Variants in DENND1A observed in about 807,000 individuals in gnomAD.
The protein encoded by DENND1A is DENN domain containing 1A.
Under a neutral mutation model 113.7 loss-of-function variants are expected in DENND1A, and 51 were observed. That is an observed-to-expected ratio of 0.45 (90% confidence interval 0.36 to 0.57). The LOEUF (loss-of-function observed/expected upper bound fraction) is 0.57, where lower values mean the gene tolerates loss of function less well. Ranked by LOEUF, DENND1A falls within the 20% of genes least tolerant of loss-of-function variation. The pLI is 0.00. For missense variants in DENND1A, 1,258 were observed against 1,395.9 expected, an observed-to-expected ratio of 0.90 and a Z score of 1.57; for synonymous variants, 565 against 570.8, an observed-to-expected ratio of 0.99 and a Z score of 0.14.
chr9:123,673,001 C>T (rs2063839555), intron 6 of DENND1A, among the ~76,000 whole-genome samples: 2 of 152,206 alleles, frequency 1.3e-5, no homozygotes, highest in Admixed American at 1.3e-4. Flanking sequence ...TAACCCTCTA[C>T]TCATCCTCAG....
chr9:123,800,653 G>A (rs1834491184), intron 2 of DENND1A, among the ~76,000 whole-genome samples: 1 of 152,114 alleles, frequency 6.6e-6, no homozygotes. Context: ...CATGAAACAG[G>A]CCTTAGCGGA....
intron 20 of DENND1A, among the ~76,000 whole-genome samples, chr9:123,411,029 C>A (rs2044268417): frequency 6.6e-6 from 1 of 152,128 alleles, no homozygotes; most frequent in South Asian, 2.1e-4. Context: ...CGCCCTCCCA[C>A]CCCATTCCCA....
chr9:123,629,667 T>C (rs1410189081), intron 10 of DENND1A, among the ~76,000 whole-genome samples: 2 of 152,248 alleles, frequency 1.3e-5, no homozygotes, highest in African/African-American at 2.4e-5. Flanking sequence ...CTTTGTTTCT[T>C]CCTTCTACTA....
At chr9:123,427,658 T>A (rs550770595) in intron 19 of DENND1A, among the ~76,000 whole-genome samples, 1 of 152,324 alleles carries the variant, frequency 6.6e-6, no homozygotes, top group East Asian at 1.9e-4. Flanking sequence ...TGAGACAGTG[T>A]CTCCTGTTTG....
intron 8 of DENND1A, among the ~76,000 whole-genome samples, chr9:123,658,459 A>C (rs768214176): frequency 3.9e-5 from 6 of 152,208 alleles, no homozygotes; most frequent in Non-Finnish European, 7.3e-5. Context: ...TACATGTGTT[A>C]TCTTGATAGA....
chr9:123,677,765 C>T (rs1039651398), intron 5 of DENND1A, among the ~76,000 whole-genome samples: 3 of 152,204 alleles, frequency 2.0e-5, no homozygotes, highest in Admixed American at 6.5e-5. Flanking sequence ...ATGCAAATCT[C>T]CATCGCACAT....
At chr9:123,413,756 A>G in intron 19 of DENND1A, 1 of 985,488 alleles carries the variant, frequency 1.0e-6, no homozygotes, top group Non-Finnish European at 1.2e-6. Flanking sequence ...GGTGCTGCCT[A>G]GGGATGGGCA....
chr9:123,731,001 A>C (rs1412597190), intron 5 of DENND1A, among the ~76,000 whole-genome samples: 2 of 152,198 alleles, frequency 1.3e-5, no homozygotes, highest in South Asian at 4.2e-4. Flanking sequence ...GCAAACTAAC[A>C]CACAAACAGA....
chr9:123,614,467 G>A lies in DENND1A; in HGVS notation c.720-4986C>T, dbSNP rs569809249. Among the ~76,000 whole-genome samples, 7 of 152,200 alleles carry A rather than the reference G, an allele frequency of 4.6e-5. No homozygotes were observed. In the South Asian group the frequency reaches 1.5e-3, roughly 32 times the overall value. On this transcript the variant is annotated intron_variant, in intron 10 of 23. Transcript: ENST00000394215. ...CCTGTAGTCCTTGTTCATTATTACC[G>A]CACTTTCACAATTTGTTTAATTCCT... is the stretch of plus-strand genomic sequence containing the variant.
chr9:123,473,986 CTTTTTTTTTTTTTTTT>C (rs5900577), intron 13 of DENND1A, among the ~76,000 whole-genome samples: 4 of 70,710 alleles, frequency 5.7e-5, no homozygotes, highest in Non-Finnish European at 1.1e-4. Flanking sequence ...TACTTTCTTT[CTTTTTTTTTTTTTTTT>C]TTTTTTTTTT....
intron 13 of DENND1A, among the ~76,000 whole-genome samples, chr9:123,545,473 CTTT>C (rs113208699): frequency 6.8e-6 from 1 of 146,904 alleles, no homozygotes; most frequent in Non-Finnish European, 1.5e-5. Flanking sequence ...GTCTCCTGTT[CTTT>C]TTTTTTTTGA....
chr9:123,825,882 A>G (rs1312445190), intron 2 of DENND1A, among the ~76,000 whole-genome samples: 2 of 152,196 alleles, frequency 1.3e-5, no homozygotes, highest in Admixed American at 1.3e-4. Context: ...TGTGAATGCA[A>G]GTGGCCTGTG....
chr9:123,824,007 T>G (rs776630984), intron 2 of DENND1A, among the ~76,000 whole-genome samples: 10 of 152,178 alleles, frequency 6.6e-5, no homozygotes, highest in Non-Finnish European at 1.5e-4. Flanking sequence ...GCACACCTAA[T>G]AAACATCAGA....
intron 13 of DENND1A, among the ~76,000 whole-genome samples, chr9:123,490,972 C>A (rs1346568963): frequency 5.3e-5 from 8 of 152,178 alleles, no homozygotes; most frequent in Non-Finnish European, 1.0e-4. Context: ...AGAACCACAT[C>A]CAGAATATCT....
intron 5 of DENND1A, among the ~76,000 whole-genome samples, chr9:123,743,535 C>G (rs2069200110): frequency 6.6e-6 from 1 of 151,774 alleles, no homozygotes; most frequent in African/African-American, 2.4e-5. Flanking sequence ...GGTTTGAGAC[C>G]AGCCTGACCA....
At chr9:123,834,243 A>T (rs550386119) in intron 2 of DENND1A, among the ~76,000 whole-genome samples, 9 of 152,234 alleles carry the variant, frequency 5.9e-5, no homozygotes, top group Non-Finnish European at 1.3e-4. Flanking sequence ...TAATTTATTC[A>T]ACACATAAGG....
rs1006046904 is a variant in DENND1A at position 123,891,327 on chromosome 9, C to A, written c.18-12306G>T. Among the ~76,000 whole-genome samples, 3 of 152,210 alleles carry A rather than the reference C, an allele frequency of 2.0e-5. No homozygotes were observed. In the East Asian group the frequency reaches 5.8e-4, roughly 29 times the overall value. On this transcript the variant is annotated intron_variant, in intron 1 of 23. Coordinates refer to ENST00000394215, the MANE Select transcript of DENND1A (RefSeq NM_001352964.2). Reference sequence around the variant, plus strand: ...GATCACAGTCACCATGGAACTCGTGCTCTTAACAACGTAACGTACACTATA... The same window carrying A: ...GATCACAGTCACCATGGAACTCGTGATCTTAACAACGTAACGTACACTATA...
chr9:123,707,275 T>A (rs2066281638), intron 5 of DENND1A, among the ~76,000 whole-genome samples: 1 of 151,814 alleles, frequency 6.6e-6, no homozygotes, highest in Non-Finnish European at 1.5e-5. Context: ...ATGCCTGTAA[T>A]CCCAGCTACT....
At chr9:123,860,627 G>C (rs1432616878) in intron 2 of DENND1A, among the ~76,000 whole-genome samples, 1 of 152,142 alleles carries the variant, frequency 6.6e-6, no homozygotes, top group Non-Finnish European at 1.5e-5. Context: ...AACAGACAAG[G>C]CAGTCCCTCA....
Sources: gnomAD v4.1 joint callset for allele counts (sites outside exome capture counted in the v4.1 genomes callset) on GRCh38, gnomAD v4.1.1 for gene constraint, MANE v1.5 for transcripts, NCBI Gene and HGNC (gene_info 2026-07-23, HGNC 2026-07-21) for gene names.